Variants in SOX6 observed in about 807,000 individuals in gnomAD.
SOX6 encodes transcription factor SOX-6.
A neutral mutation model predicts 97.8 loss-of-function variants in SOX6; 11 were observed. The observed-to-expected ratio is 0.11, with a 90% CI of 0.07 to 0.19. SOX6 has a LOEUF of 0.19. SOX6 is among the 10% of genes least tolerant of loss of function. The pLI is 1.00. For synonymous variants in SOX6, 360 were observed against 371.4 expected, an observed-to-expected ratio of 0.97 and a Z score of 0.35; for missense variants, 810 against 1,039.5, an observed-to-expected ratio of 0.78 and a Z score of 3.04.
At chr11:15,984,454 T>C (rs181039754) in intron 15 of SOX6, among the ~76,000 whole-genome samples, 11 of 152,178 alleles carry the variant, frequency 7.2e-5, no homozygotes, top group African/African-American at 1.2e-4. Flanking sequence ...AACTTAAACT[T>C]TGGATTGTTC....
intron 4 of SOX6, among the ~76,000 whole-genome samples, chr11:16,540,737 T>C (rs1256258198): frequency 1.3e-5 from 2 of 152,040 alleles, no homozygotes; most frequent in African/African-American, 2.4e-5. Context: ...ACAGTGAGAA[T>C]AAAATACCAA....
intron 3 of SOX6, among the ~76,000 whole-genome samples, chr11:16,620,883 C>A (rs1485402921): frequency 6.6e-6 from 1 of 152,150 alleles, no homozygotes; most frequent in Non-Finnish European, 1.5e-5. Context: ...ACTACAGCCA[C>A]CAACTATCAC....
At chr11:16,097,788 T>C in intron 7 of SOX6, 100 bp from the exon 8 acceptor site, 1 of 1,088,056 alleles carries the variant, frequency 9.2e-7, no homozygotes, top group Non-Finnish European at 1.4e-6. Context: ...TTTACAACAT[T>C]GCTCTAAGCC....
At chr11:16,384,866 T>C (rs1857932389) in intron 1 of SOX6, among the ~76,000 whole-genome samples, 1 of 152,014 alleles carries the variant, frequency 6.6e-6, no homozygotes, top group Non-Finnish European at 1.5e-5. Flanking sequence ...CTCTTTGGAA[T>C]TGTCCCACTG....
chr11:16,458,345 T>C (rs1859850554), intron 1 of SOX6, among the ~76,000 whole-genome samples: 3 of 152,180 alleles, frequency 2.0e-5, no homozygotes, highest in South Asian at 4.1e-4. Context: ...GTAACATAGA[T>C]TTGTAAATGT....
rs151290773 is a variant in SOX6 at position 16,452,823 on chromosome 11, G to A, written c.-5+23492C>T. Among the ~76,000 whole-genome samples, 33 of 152,230 alleles carry A rather than the reference G, an allele frequency of 2.2e-4. No individual in the cohort carries two copies. The East Asian group carries it at 6.2e-3, about 29-fold the overall frequency. ...CTGAAGAAAGGGAAGAAGCCCAGGA[G>A]ATGTGCACATCAAATAAAAATGGAG... On this transcript the variant is annotated intron_variant, in intron 1 of 15. Coordinates refer to the SOX6 transcript ENST00000396356.
intron 6 of SOX6, among the ~76,000 whole-genome samples, chr11:16,131,176 T>A (rs1849730760): frequency 6.6e-6 from 1 of 150,798 alleles, no homozygotes; most frequent in Non-Finnish European, 1.5e-5. Context: ...AGCCACAAAG[T>A]AAGAGAAAAT....
intron 13 of SOX6, among the ~76,000 whole-genome samples, chr11:16,007,023 G>A (rs966783837): frequency 1.7e-4 from 25 of 151,482 alleles, no homozygotes; most frequent in African/African-American, 6.1e-4. Context: ...GTGAGTGCAG[G>A]CAGTGATAGA....
chr11:16,205,187 C>T (rs2134133475), intron 4 of SOX6, among the ~76,000 whole-genome samples: 1 of 152,142 alleles, frequency 6.6e-6, no homozygotes, highest in East Asian at 1.9e-4. Context: ...AAGAATTCCA[C>T]GATAGAACCA....
intron 15 of SOX6, among the ~76,000 whole-genome samples, chr11:15,979,042 CATATAT>C (rs57062569): frequency 2.6e-4 from 28 of 107,104 alleles, no homozygotes; most frequent in African/African-American, 7.6e-4. Context: ...ATATATTTTA[CATATAT>C]ATATATATAT....
intron 3 of SOX6, among the ~76,000 whole-genome samples, chr11:16,235,759 G>A (rs776032517): frequency 4.0e-5 from 6 of 151,752 alleles, no homozygotes; most frequent in Non-Finnish European, 5.9e-5. Context: ...AATCCTCCTT[G>A]AATTTTTCAG....
intron 4 of SOX6, among the ~76,000 whole-genome samples, chr11:16,547,964 G>T (rs149136705): frequency 0.017 from 2,554 of 151,978 alleles, 28 homozygotes; most frequent in Non-Finnish European, 0.026. Flanking sequence ...AAGATGCAAG[G>T]AAAATAATAA....
intron 6 of SOX6, among the ~76,000 whole-genome samples, chr11:16,143,389 G>C (rs1850200676): frequency 6.6e-6 from 1 of 152,194 alleles, no homozygotes; most frequent in Non-Finnish European, 1.5e-5. Context: ...ACCAGCCACT[G>C]CAAAAACATG....
At chr11:16,616,809 T>C (rs564039511) in intron 3 of SOX6, among the ~76,000 whole-genome samples, 8 of 151,996 alleles carry the variant, frequency 5.3e-5, no homozygotes, top group Admixed American at 1.3e-4. Flanking sequence ...TATACATTTC[T>C]AAAAATAAGT....
At chr11:16,288,241 A>G (rs1854809256) in intron 3 of SOX6, among the ~76,000 whole-genome samples, 1 of 152,052 alleles carries the variant, frequency 6.6e-6, no homozygotes, top group African/African-American at 2.4e-5. Context: ...GCTCAACTCA[A>G]GACTATGCTA....
intron 3 of SOX6, among the ~76,000 whole-genome samples, chr11:16,639,488 C>G (rs776070921): frequency 1.3e-5 from 2 of 152,162 alleles, no homozygotes; most frequent in Non-Finnish European, 2.9e-5. Context: ...GGCATTGAAT[C>G]TATAAATTAC....
intron 4 of SOX6, among the ~76,000 whole-genome samples, chr11:16,591,884 G>A (rs1448042657): frequency 6.6e-6 from 1 of 151,900 alleles, no homozygotes; most frequent in African/African-American, 2.4e-5. Context: ...TTTCAGCTGT[G>A]GCAGCATTAA....
chr11:16,359,695 G>A (rs1201868229), upstream of SOX6, among the ~76,000 whole-genome samples: 1 of 151,920 alleles, frequency 6.6e-6, no homozygotes. Flanking sequence ...GTTGAAAGAA[G>A]GTAGATGAAG....
In SOX6 at chr11:16,323,352, ATAAAG is replaced by A. The variant is rs766458705; in HGVS notation, c.238-4704_238-4700del. ...AAGATGTTTTCCAGTATTTGAAGAG[ATAAAG>A]TAAATATTAAAAACAAAAAACATTA... is the stretch of plus-strand genomic sequence containing the variant. On this transcript the variant is annotated intron_variant, in intron 2 of 15. Coordinates refer to ENST00000683767, the MANE Select transcript of SOX6 (RefSeq NM_001367873.1). 2.0e-5 allele frequency among the ~76,000 whole-genome samples: 3 copies of A among 152,214 alleles called. 1 individual carries two copies. The highest frequency in any genetic ancestry group is 4.8e-5 in the African/African-American group (2 of 41,472).
Sources: gnomAD v4.1 joint callset for allele counts (sites outside exome capture counted in the v4.1 genomes callset) on GRCh38, gnomAD v4.1.1 for gene constraint, MANE v1.5 for transcripts, NCBI Gene and HGNC (gene_info 2026-07-23, HGNC 2026-07-21) for gene names.